ANKRD35: variants seen among roughly 807,000 people sequenced by gnomAD.
ANKRD35 encodes ankyrin repeat domain 35.
A neutral mutation model predicts 109.9 loss-of-function variants in ANKRD35; 102 were observed. That is an observed-to-expected ratio of 0.93 (90% CI 0.79 to 1.09). The LOEUF (loss-of-function observed/expected upper bound fraction) is 1.09, where lower values mean the gene tolerates loss of function less well. Ranked by LOEUF, ANKRD35 falls within the 50% of genes least tolerant of loss-of-function variation. ANKRD35 has a pLI of 0.00. For missense variants in ANKRD35, 1,240 were observed against 1,230.1 expected, an observed-to-expected ratio of 1.01 and a Z score of -0.12; for synonymous variants, 515 against 512.4, an observed-to-expected ratio of 1.01 and a Z score of -0.07.
At chr1:145,879,478 G>T in intron 1 of ANKRD35, 90 bp from the exon 2 acceptor site, 1 of 1,319,094 alleles carries the variant, frequency 7.6e-7, no homozygotes, top group Non-Finnish European at 9.9e-7. Context: ...CCAAATGAGA[G>T]AAAAGGAACA....
In ANKRD35 at chr1:145,879,397, GA is replaced by G; in HGVS notation, c.40-10del. On this transcript the variant is annotated splice_polypyrimidine_tract_variant and intron_variant, in intron 1 of 13. Transcript: ENST00000355594. ...CGGTTCCATCTCTCCACCTGGTCCAGAGCCACAGGTTGTGTGAATATAGGGC... is the reference window on the plus strand; with the variant it reads ...CGGTTCCATCTCTCCACCTGGTCCAGGCCACAGGTTGTGTGAATATAGGGC... 2 of 1,553,156 alleles carry G rather than the reference GA, an allele frequency of 1.3e-6. No homozygotes were observed. The highest frequency in any genetic ancestry group is 1.4e-5 in the African/African-American group (1 of 72,626).
intron 10 of ANKRD35, among the ~76,000 whole-genome samples, chr1:145,871,250 G>A (rs1320206585): frequency 7.8e-6 from 1 of 128,568 alleles, no homozygotes; most frequent in African/African-American, 2.9e-5. Flanking sequence ...TGCTACCTCT[G>A]CCTCTCTGGT....
chr1:145,880,956 C>T (rs58074368), intron 1 of ANKRD35, among the ~76,000 whole-genome samples: 8,858 of 152,170 alleles, frequency 0.058, 845 homozygotes, highest in African/African-American at 0.2. Flanking sequence ...GATAACCATT[C>T]AAGATCACGA....
In ANKRD35 at chr1:145,871,153, C is replaced by CTTTTTTTTTTTTTT. The variant is rs59433424; in HGVS notation, c.2787+815_2787+828dup. Among the ~76,000 whole-genome samples the CTTTTTTTTTTTTTT allele has an allele frequency of 1.2e-3, 97 of 78,098 alleles. 5 individuals are homozygous for CTTTTTTTTTTTTTT. Among genetic ancestry groups the CTTTTTTTTTTTTTT allele is most frequent in the Non-Finnish European group, 1.7e-3 (65 of 38,932 alleles). 51.2% of individuals were successfully genotyped at this position (78,098 alleles called of 152,430 possible). On this transcript the variant is annotated intron_variant, in intron 10 of 13. Transcript: ENST00000355594. ...TCTTTCTTTCTTTCTTTTCTTTTTT[C>CTTTTTTTTTTTTTT]TTTTTTTTTTTTTTTTTTTTTTTTT...
At chr1:145,877,521 G>A (rs899119481) in intron 4 of ANKRD35, among the ~76,000 whole-genome samples, 5 of 152,238 alleles carry the variant, frequency 3.3e-5, no homozygotes, top group African/African-American at 1.2e-4. Context: ...ATGAGCCACC[G>A]CACCCGGCCA....
At chr1:145,877,924 C>T in intron 4 of ANKRD35, 44 bp downstream of exon 4, 2 of 1,582,280 alleles carry the variant, frequency 1.3e-6, no homozygotes, top group East Asian at 2.2e-5. Flanking sequence ...ACTCTGGGAC[C>T]ACTTCTTCCC....
At chr1:145,875,587 C>T (rs943074149) in intron 7 of ANKRD35, among the ~76,000 whole-genome samples, 28 of 149,300 alleles carry the variant, frequency 1.9e-4, no homozygotes, top group Middle Eastern at 3.7e-3. Flanking sequence ...GCTCCTCTCT[C>T]GCCCAGGCTG....
At position 145,885,805 on chromosome 1, in the gene ANKRD35, C is replaced by A. The variant is rs367658556; in HGVS notation, c.-47G>T. On this transcript the variant is annotated 5_prime_UTR_variant, in exon 1 of 14. Coordinates refer to ENST00000355594, the MANE Select transcript of ANKRD35 (RefSeq NM_144698.5). The stretch of plus-strand genomic sequence containing the variant: ...GGATGGGGACGCGCAGAGAGCCGGG[C>A]CACAGGTTCCCGAACCCACCGGACT... 36 of 1,461,124 alleles carry A rather than the reference C, an allele frequency of 2.5e-5. No individual in the cohort carries two copies. In the African/African-American group the frequency reaches 3.9e-4, roughly 16 times the overall value. 90.5% of individuals were successfully genotyped at this position (1,461,124 alleles called of 1,614,324 possible). A position where few individuals can be genotyped will look rare whatever the true frequency, so the allele number is the denominator to read the frequency against.
At chr1:145,879,644 C>T (rs1393775930) in intron 1 of ANKRD35, among the ~76,000 whole-genome samples, 4 of 152,064 alleles carry the variant, frequency 2.6e-5, no homozygotes, top group Admixed American at 6.6e-5. Flanking sequence ...AATTAAAAAT[C>T]ATTTGAGTGC....
In ANKRD35 at chr1:145,879,220, G is replaced by A. The variant is rs782521947; in HGVS notation, c.170+38C>T. The A allele has an allele frequency of 4.6e-6, 7 of 1,528,016 alleles. 1 individual carries two copies. In the South Asian group the frequency reaches 8.9e-5, roughly 20 times the overall value. 94.7% of individuals were successfully genotyped at this position (1,528,016 alleles called of 1,614,324 possible). A position where few individuals can be genotyped will look rare whatever the true frequency, so the allele number is the denominator to read the frequency against. The stretch of plus-strand genomic sequence containing the variant: ...TTGGATTTGGGGGCTTCAAAAGGGA[G>A]CCACATGTAAGGGGCAGGGGCAGGA... On this transcript the variant is annotated intron_variant, in intron 2 of 13. Transcript: ENST00000355594.
Position 145,871,153 on chromosome 1 carries a change from C to CTTTT in ANKRD35, c.2787+825_2787+828dup, listed in dbSNP as rs59433424. On this transcript the variant is annotated intron_variant, in intron 10 of 13. Coordinates refer to ENST00000355594, the MANE Select transcript of ANKRD35 (RefSeq NM_144698.5). ...TCTTTCTTTCTTTCTTTTCTTTTTT[C>CTTTT]TTTTTTTTTTTTTTTTTTTTTTTTT... is the stretch of plus-strand genomic sequence containing the variant. 1.4e-4 allele frequency among the ~76,000 whole-genome samples: 11 copies of CTTTT among 78,096 alleles called. 1 individual carries two copies. Among genetic ancestry groups the CTTTT allele is most frequent in the Non-Finnish European group, 2.1e-4 (8 of 38,930 alleles). The allele number at this position is 78,096 out of a possible 152,430, so 51.2% of individuals were successfully genotyped here.
rs782571936 is a variant in ANKRD35 at position 145,872,753 on chromosome 1, ACT to A, written c.2014_2015del (p.Ser672CysfsTer7). 1.2e-6 allele frequency: 2 copies of A among 1,613,636 alleles called. No homozygotes were observed. The highest frequency in any genetic ancestry group is 1.7e-6 in the Non-Finnish European group (2 of 1,179,866). ...AQVQLQQLRQ[S>X]VGLLTNELAM... ...CCAGTTCATTTGTCAGCAGCCCCAC[ACT>A]CTGTCGCAACTGCTGTAGCTGGACC... is the stretch of plus-strand genomic sequence containing the variant. On this transcript the variant is annotated frameshift_variant, in exon 10 of 14. Transcript: ENST00000355594. LOFTEE classifies it high-confidence loss of function.
chr1:145,881,536 A>C (rs1340485287), intron 1 of ANKRD35, among the ~76,000 whole-genome samples: 1 of 152,232 alleles, frequency 6.6e-6, no homozygotes, highest in Non-Finnish European at 1.5e-5. Flanking sequence ...TCTGACATGT[A>C]AGAACGCATT....
intron 1 of ANKRD35, among the ~76,000 whole-genome samples, chr1:145,880,099 C>G (rs1553740852): frequency 6.6e-6 from 1 of 152,170 alleles, no homozygotes; most frequent in East Asian, 1.9e-4. Flanking sequence ...AGGTAGCTCC[C>G]CTTCTCCTCC....
At chr1:145,875,050 C>G (rs1553739821) in intron 7 of ANKRD35, 44 bp from the exon 8 acceptor site, 2 of 1,532,052 alleles carry the variant, frequency 1.3e-6, no homozygotes, top group East Asian at 2.3e-5. Context: ...CCACATGGAA[C>G]CCAGAAGTCC....
At chr1:145,875,220 A>G (rs143833295) in intron 7 of ANKRD35, among the ~76,000 whole-genome samples, 2,332 of 151,322 alleles carry the variant, frequency 0.015, 55 homozygotes, top group African/African-American at 0.054. Flanking sequence ...ATCTCGGCTC[A>G]CTGCAACCTC....
intron 12 of ANKRD35, 24 bp downstream of exon 12, chr1:145,867,967 C>T: frequency 6.2e-7 from 1 of 1,611,616 alleles, no homozygotes; most frequent in Non-Finnish European, 8.5e-7. Context: ...GTCTATACCT[C>T]CCTCAAAACT....
At position 145,873,677 on chromosome 1, in the gene ANKRD35, A is replaced by C. The variant is rs1258396349; in HGVS notation, c.1092T>G (p.Pro364=). 6.2e-7 allele frequency: 1 copy of C among 1,614,010 alleles called. No homozygotes were observed. The highest frequency in any genetic ancestry group is 1.3e-5 in the African/African-American group (1 of 74,916). ...AACCCTGCTCCATGCCATCCCCTCC[A>C]GGCCGGAGACTAGAGCCTTGCTTTC... ...ASGKQGSSLR[P]GGDGMEQGCP... The change falls in exon 10 of 14, where the codon CCT becomes CCG. Residue 364 remains proline (P), a synonymous_variant. Transcript: ENST00000355594.
intron 1 of ANKRD35, among the ~76,000 whole-genome samples, chr1:145,880,965 G>A (rs114839456): frequency 0.026 from 4,024 of 152,204 alleles, 206 homozygotes; most frequent in African/African-American, 0.093. Context: ...TCAAGATCAC[G>A]AAAAAGAGTG....
Sources: gnomAD v4.1 joint callset for allele counts (sites outside exome capture counted in the v4.1 genomes callset) on GRCh38, gnomAD v4.1.1 for gene constraint, MANE v1.5 for transcripts, NCBI Gene and HGNC (gene_info 2026-07-23, HGNC 2026-07-21) for gene names.